Variants in TNRC18 observed in about 807,000 individuals in gnomAD.
TNRC18 encodes the protein trinucleotide repeat containing 18.
Under a neutral mutation model 226.7 loss-of-function variants are expected in TNRC18, and 69 were observed. That is an observed-to-expected ratio of 0.30 (90% CI 0.25 to 0.37). The LOEUF (loss-of-function observed/expected upper bound fraction) is 0.37. TNRC18 is among the 10% of genes least tolerant of loss of function. TNRC18 has a pLI of 1.00. For synonymous variants in TNRC18, 2,449 were observed against 1,927.6 expected, an observed-to-expected ratio of 1.27 and a Z score of -7.09; for missense variants, 4,754 against 4,256.6, an observed-to-expected ratio of 1.12 and a Z score of -3.25.
chr7:5,378,564 G>A (rs921728616), intron 5 of TNRC18, among the ~76,000 whole-genome samples: 5 of 151,746 alleles, frequency 3.3e-5, no homozygotes, highest in Admixed American at 1.3e-4. Flanking sequence ...GACTACAGGT[G>A]CCCACCACCA....
At chr7:5,375,201 C>T (rs551506279) in intron 9 of TNRC18, among the ~76,000 whole-genome samples, 38 of 152,088 alleles carry the variant, frequency 2.5e-4, no homozygotes, top group Non-Finnish European at 4.6e-4. Context: ...TCCAGCTACT[C>T]GGGAGGCTGA....
At chr7:5,368,927 G>A (rs1450370882) in intron 11 of TNRC18, among the ~76,000 whole-genome samples, 1 of 152,050 alleles carries the variant, frequency 6.6e-6, no homozygotes, top group African/African-American at 2.4e-5. Flanking sequence ...TCTGCTGAAG[G>A]CATCCCATTC....
chr7:5,352,227 G>A (rs1436342670), intron 16 of TNRC18, 133 bp from the exon 17 acceptor site: 6 of 927,192 alleles, frequency 6.5e-6, no homozygotes, highest in African/African-American at 5.0e-5. Context: ...CTAGTAGGCG[G>A]CCGTACAAAG....
intron 16 of TNRC18, among the ~76,000 whole-genome samples, chr7:5,352,649 C>T (rs1184591715): frequency 6.6e-6 from 1 of 152,274 alleles, no homozygotes; most frequent in East Asian, 1.9e-4. Context: ...AGATCCCTTG[C>T]CCTTCTTTCT....
intron 2 of TNRC18, among the ~76,000 whole-genome samples, chr7:5,406,903 G>C (rs564470782): frequency 6.6e-6 from 1 of 151,954 alleles, no homozygotes; most frequent in Non-Finnish European, 1.5e-5. Flanking sequence ...GAAGAGCCAA[G>C]AAGTGAAAAA....
rs1343119918 is a variant in TNRC18, at chr7:5,309,493, G to A, written c.8389-125C>T. ...TAAATCAACCCCTATCCAACTGTGG[G>A]GAGATGAGGAAGCTCCTTGTCTCGC... On this transcript the variant is annotated intron_variant, in intron 27 of 29. Transcript: ENST00000430969. The surrounding 1 kb of genome is among the most constrained non-coding windows in gnomAD (Gnocchi z 5.7). 1.3e-6 allele frequency: 1 copy of A among 766,004 alleles called. No individual in the cohort carries two copies. Among genetic ancestry groups the A allele is most frequent in the Non-Finnish European group, 2.1e-6 (1 of 480,846 alleles). The allele number at this position is 766,004 out of a possible 1,614,324, so 47.5% of individuals were successfully genotyped here.
Position 5,309,449 on chromosome 7 carries a change from A to C in TNRC18, c.8389-81T>G. ...CGCCTGGCAGGCTCTGCCGCTTGGG[A>C]CTCTGGGCCCTCGGCCTCTAAATCA... On this transcript the variant is annotated intron_variant, in intron 27 of 29. Transcript: ENST00000430969. The surrounding 1 kb of genome is among the most constrained non-coding windows in gnomAD (Gnocchi z 5.7). 5 of 1,295,916 alleles carry C rather than the reference A, an allele frequency of 3.9e-6. No homozygotes were observed. The South Asian group carries it at 7.1e-5, about 18-fold the overall frequency. The allele number at this position is 1,295,916 out of a possible 1,614,324, so 80.3% of individuals were successfully genotyped here. A position where few individuals can be genotyped will look rare whatever the true frequency, so the allele number is the denominator to read the frequency against.
Position 5,374,091 on chromosome 7 carries a change from TCTCCAA to T in TNRC18, c.3187_3192del (p.Leu1063_Glu1064del), listed in dbSNP as rs749965336. On this transcript the variant is annotated inframe_deletion, in exon 10 of 30. Coordinates refer to ENST00000430969, the MANE Select transcript of TNRC18 (RefSeq NM_001080495.3). ...GCCTGGAAGGGGCTGGGGGCTTCCT[TCTCCAA>T]CTCCAAGTCTTTCTTCTCGACCACA... 2.3e-5 allele frequency: 36 copies of T among 1,579,858 alleles called. No individual in the cohort carries two copies. Among genetic ancestry groups the T allele is most frequent in the Non-Finnish European group, 2.6e-5 (30 of 1,165,478 alleles).
chr7:5,390,727 G>A (rs1018751666), intron 3 of TNRC18, 99 bp from the exon 4 acceptor site: 70 of 1,372,774 alleles, frequency 5.1e-5, no homozygotes, highest in Middle Eastern at 2.6e-4. Flanking sequence ...GCAGCCGACC[G>A]CTGGTACAGG....
Position 5,388,456 on chromosome 7 carries a change from G to GGGTCCGGGGAGGCGCGT in TNRC18, c.1367_1368insACGCGCCTCCCCGGACC (p.Tyr459SerfsTer137), listed in dbSNP as rs1779991506. Reference sequence around the variant, plus strand: ...GCTCCTTGGCAGGCACGTAGGCGCGGGGGTCCGGGGAGGCGCGTGTGGCCC... The same window carrying GGGTCCGGGGAGGCGCGT: ...GCTCCTTGGCAGGCACGTAGGCGCGGGGTCCGGGGAGGCGCGTGGGTCCGGGGAGGCGCGTGTGGCCC... On this transcript the variant is annotated frameshift_variant, in exon 5 of 30. Coordinates refer to ENST00000430969, the MANE Select transcript of TNRC18 (RefSeq NM_001080495.3). LOFTEE classifies it high-confidence loss of function. 6.9e-7 allele frequency: 1 copy of GGGTCCGGGGAGGCGCGT among 1,446,078 alleles called. No homozygotes were observed. The highest frequency in any genetic ancestry group is 1.5e-5 in the African/African-American group (1 of 65,766). 89.6% of individuals were successfully genotyped at this position (1,446,078 alleles called of 1,614,324 possible).
At chr7:5,421,938 A>C (rs1782611529) in intron 1 of TNRC18, among the ~76,000 whole-genome samples, 1 of 152,238 alleles carries the variant, frequency 6.6e-6, no homozygotes, top group Non-Finnish European at 1.5e-5. Flanking sequence ...TCTGATCCGC[A>C]AAGTTTAATA....
chr7:5,359,627 G>T, intron 14 of TNRC18, 58 bp from the exon 15 acceptor site: 1 of 1,604,030 alleles, frequency 6.2e-7, no homozygotes. Context: ...CGCAGGCTGA[G>T]GTCCACCCTC....
chr7:5,346,227 G>C (rs1791181261), intron 17 of TNRC18, among the ~76,000 whole-genome samples: 1 of 152,242 alleles, frequency 6.6e-6, no homozygotes, highest in Non-Finnish European at 1.5e-5. Flanking sequence ...GGTGAGCACG[G>C]AAGAGGGCCC....
intron 10 of TNRC18, among the ~76,000 whole-genome samples, chr7:5,372,439 T>G (rs1266903944): frequency 6.8e-6 from 1 of 147,110 alleles, no homozygotes; most frequent in African/African-American, 2.5e-5. Flanking sequence ...GTCAGGCCAG[T>G]CTCAAACTCC....
At chr7:5,414,226 C>T (rs529786735) in intron 2 of TNRC18, among the ~76,000 whole-genome samples, 1 of 152,108 alleles carries the variant, frequency 6.6e-6, no homozygotes, top group South Asian at 2.1e-4. Flanking sequence ...GGATTACAGG[C>T]ATGAACCCCG....
rs1325425641 is a variant in TNRC18 at position 5,312,150 on chromosome 7, GA to G, written c.8388+352del. On this transcript the variant is annotated intron_variant, in intron 27 of 29. Coordinates refer to ENST00000430969, the MANE Select transcript of TNRC18 (RefSeq NM_001080495.3). This position sits in a 1 kb window ranked among gnomAD's most constrained non-coding sequence, Gnocchi z 6.3. ...GACTCAGTCTCAAAAAAAGAAAAAG[GA>G]AAAAATCCCAGAGGCCTGGAAAGCC... Among the ~76,000 whole-genome samples the G allele has an allele frequency of 6.6e-6, 1 of 152,132 alleles. No individual in the cohort carries two copies. The highest frequency in any genetic ancestry group is 2.4e-5 in the African/African-American group (1 of 41,448).
intron 17 of TNRC18, among the ~76,000 whole-genome samples, chr7:5,351,276 A>G (rs1350169266): frequency 2.0e-5 from 3 of 152,084 alleles, no homozygotes; most frequent in African/African-American, 7.2e-5. Context: ...CAAGAGAGAC[A>G]AGGCACACAG....
At chr7:5,323,683 C>G (rs1222776601) in intron 21 of TNRC18, among the ~76,000 whole-genome samples, 1 of 151,654 alleles carries the variant, frequency 6.6e-6, no homozygotes, top group Non-Finnish European at 1.5e-5. Context: ...TTCTCCTGCC[C>G]CAGCCTCCCG....
rs1295488685 is a variant in TNRC18, at chr7:5,387,910, T to G, written c.1914A>C (p.Pro638=). 3 of 1,593,190 alleles carry G rather than the reference T, an allele frequency of 1.9e-6. No individual in the cohort carries two copies. The highest frequency in any genetic ancestry group is 2.6e-6 in the Non-Finnish European group (3 of 1,171,262). Reference sequence around the variant, plus strand: ...CGCCCGCTGCAGGGCCTCCGGAGTGTGGGAGACGGGCCTGGGCTCGGGAGG... The same window carrying G: ...CGCCCGCTGCAGGGCCTCCGGAGTGGGGGAGACGGGCCTGGGCTCGGGAGG... ...AGASRAQARL[P]HSGGPAAGGG... Residue 638 remains proline, a synonymous_variant, in exon 5 of 30, where the codon CCA becomes CCC. Coordinates refer to ENST00000430969, the MANE Select transcript of TNRC18 (RefSeq NM_001080495.3).
Sources: allele counts gnomAD v4.1 joint callset (sites outside exome capture counted in the v4.1 genomes callset), GRCh38; gene constraint gnomAD v4.1.1; non-coding constraint Gnocchi (gnomAD v3.1); transcripts MANE v1.5; gene names NCBI Gene and HGNC (gene_info 2026-07-23, HGNC 2026-07-21).